Variants in ACOT13 observed in about 807,000 individuals in gnomAD.
ACOT13 encodes acyl-CoA thioesterase 13.
In ACOT13, 10 loss-of-function variants were observed where a neutral mutation model predicts 11.8. That is an observed-to-expected ratio of 0.85 (90% CI 0.53 to 1.44). ACOT13 has a LOEUF of 1.44. Among genes scored for constraint, ACOT13 ranks in the 40% most tolerant of loss-of-function variants. The pLI is 0.00. For synonymous variants in ACOT13, 53 were observed against 61.0 expected, an observed-to-expected ratio of 0.87 and a Z score of 0.61; for missense variants, 172 against 174.1, an observed-to-expected ratio of 0.99 and a Z score of 0.07.
chr6:24,672,814 T>C (rs1044294669), intron 1 of ACOT13, among the ~76,000 whole-genome samples: 6 of 152,210 alleles, frequency 3.9e-5, no homozygotes, highest in African/African-American at 1.4e-4. Flanking sequence ...ACTGAACTTA[T>C]TTTATCTTTC....
rs1778628797 is a variant in ACOT13, at chr6:24,686,246, T to A, written c.82-11637T>A. ...AGAGGTACTGTTTAGAAAAGGAGTTTCATGAGTAAGTTCAGGAAACACTGA... is the reference window on the plus strand; with the variant it reads ...AGAGGTACTGTTTAGAAAAGGAGTTACATGAGTAAGTTCAGGAAACACTGA... On this transcript the variant is annotated intron_variant, in intron 1 of 2. Coordinates refer to ENST00000230048, the MANE Select transcript of ACOT13 (RefSeq NM_018473.4). Among the ~76,000 whole-genome samples, 3 of 152,296 alleles carry A rather than the reference T, an allele frequency of 2.0e-5. No individual in the cohort carries two copies. In the South Asian group the frequency reaches 6.2e-4, roughly 32 times the overall value.
rs772678433 is a variant in ACOT13 at position 24,667,291 on chromosome 6, G to A, written c.28G>A (p.Glu10Lys). 2 of 1,614,232 alleles carry A rather than the reference G, an allele frequency of 1.2e-6. No homozygotes were observed. Among genetic ancestry groups the A allele is most frequent in the South Asian group, 1.1e-5 (1 of 91,078 alleles). Residue 10 changes from glutamate (E) to lysine (K), a missense_variant, in exon 1 of 3, where the codon GAG becomes AAG. Coordinates refer to ENST00000230048, the MANE Select transcript of ACOT13 (RefSeq NM_018473.4). ...GACCAGCATGACTCAGTCTCTGCGG[G>A]AGGTGATAAAGGCCATGACCAAGGC... is the stretch of plus-strand genomic sequence containing the variant. Reference protein sequence around the residue: MTSMTQSLREVIKAMTKARN... With the variant: MTSMTQSLRKVIKAMTKARN...
rs201079019 is a variant in ACOT13 at position 24,675,919 on chromosome 6, A to G, written c.81+8575A>G. ...GTTTTGTGTAAGGTGTAAGGAAGGG[A>G]TCCAGTTTCAGCTTTCTACATATGG... On this transcript the variant is annotated intron_variant, in intron 1 of 2. Coordinates refer to ENST00000230048, the MANE Select transcript of ACOT13 (RefSeq NM_018473.4). 2.0e-5 allele frequency among the ~76,000 whole-genome samples: 3 copies of G among 152,198 alleles called. No individual in the cohort carries two copies. The South Asian group carries it at 6.2e-4, about 32-fold the overall frequency.
chr6:24,667,406 G>T, intron 1 of ACOT13, 62 bp downstream of exon 1: 3 of 1,484,698 alleles, frequency 2.0e-6, no homozygotes, highest in African/African-American at 2.8e-5. Flanking sequence ...CACCGTGCTT[G>T]GTGCCGTTGT....
At chr6:24,698,134 A>G in intron 2 of ACOT13, 67 bp downstream of exon 2, 1 of 1,332,400 alleles carries the variant, frequency 7.5e-7, no homozygotes, top group African/African-American at 1.5e-5. Context: ...GAGACTAAAC[A>G]CATTTATATT....
intron 1 of ACOT13, among the ~76,000 whole-genome samples, chr6:24,695,627 CTTCA>C (rs1427366500): frequency 9.8e-5 from 15 of 152,330 alleles, no homozygotes; most frequent in Non-Finnish European, 4.4e-5. Context: ...AGGGATTAAA[CTTCA>C]TTCATTTTTT....
chr6:24,679,230 T>C (rs568248773), intron 1 of ACOT13, among the ~76,000 whole-genome samples: 49 of 152,330 alleles, frequency 3.2e-4, no homozygotes, highest in Admixed American at 7.8e-4. Flanking sequence ...AGTGGCCTTT[T>C]TTTTTATCCC....
chr6:24,674,717 T>A (rs1323902856), intron 1 of ACOT13, among the ~76,000 whole-genome samples: 3 of 152,108 alleles, frequency 2.0e-5, no homozygotes, highest in Admixed American at 6.5e-5. Flanking sequence ...CACCCAGCCC[T>A]AGAGTTCAAC....
intron 1 of ACOT13, among the ~76,000 whole-genome samples, chr6:24,679,927 C>T (rs1469271183): frequency 6.6e-6 from 1 of 152,190 alleles, no homozygotes; most frequent in Non-Finnish European, 1.5e-5. Flanking sequence ...TGCACTCTGG[C>T]TGGGCCGAAT....
intron 1 of ACOT13, among the ~76,000 whole-genome samples, chr6:24,668,436 G>A (rs1470315407): frequency 6.6e-6 from 1 of 151,118 alleles, no homozygotes; most frequent in South Asian, 2.1e-4. Context: ...GGTCAGGCTG[G>A]TCTCAAACTG....
chr6:24,700,425 C>CTTTTT (rs34173572), intron 2 of ACOT13, among the ~76,000 whole-genome samples: 9 of 105,148 alleles, frequency 8.6e-5, no homozygotes, highest in African/African-American at 2.8e-4. Flanking sequence ...TAAGATCCAC[C>CTTTTT]TTTTTTTTTT....
intron 1 of ACOT13, among the ~76,000 whole-genome samples, chr6:24,690,526 T>G (rs1351832561): frequency 6.6e-6 from 1 of 152,158 alleles, no homozygotes. Context: ...GGAAGAAAAA[T>G]ATAGTGATTT....
intron 1 of ACOT13, among the ~76,000 whole-genome samples, chr6:24,689,392 CT>C (rs11325796): frequency 0.063 from 9,567 of 152,032 alleles, 569 homozygotes; most frequent in African/African-American, 0.16. Flanking sequence ...GTGCCTTCTC[CT>C]TTTGGGTCAC....
chr6:24,678,372 T>A (rs976899974), intron 1 of ACOT13, among the ~76,000 whole-genome samples: 18 of 152,152 alleles, frequency 1.2e-4, no homozygotes, highest in Non-Finnish European at 1.0e-4. Context: ...TGCACTAACC[T>A]CCACTGTCCA....
chr6:24,669,886 G>A (rs998695006), intron 1 of ACOT13, among the ~76,000 whole-genome samples: 1 of 152,116 alleles, frequency 6.6e-6, no homozygotes, highest in Admixed American at 6.5e-5. Context: ...AGTTTAAGTT[G>A]TCTAGCTTCA....
intron 1 of ACOT13, among the ~76,000 whole-genome samples, chr6:24,678,508 G>T (rs1747864253): frequency 6.6e-6 from 1 of 152,172 alleles, no homozygotes; most frequent in Non-Finnish European, 1.5e-5. Context: ...TAAGGGTACT[G>T]CCTTTGGTAG....
At position 24,671,681 on chromosome 6, in the gene ACOT13, C is replaced by T. The variant is rs1246724161; in HGVS notation, c.81+4337C>T. Among the ~76,000 whole-genome samples, 4 of 151,838 alleles carry T rather than the reference C, an allele frequency of 2.6e-5. No homozygotes were observed. The East Asian group carries it at 5.8e-4, about 22-fold the overall frequency. ...AATGAATCTCAAAAAACAACAACAG[C>T]AACAACAAAAAAAAACACTTTCTAA... On this transcript the variant is annotated intron_variant, in intron 1 of 2. Coordinates refer to ENST00000230048, the MANE Select transcript of ACOT13 (RefSeq NM_018473.4).
intron 1 of ACOT13, among the ~76,000 whole-genome samples, chr6:24,695,697 T>G (rs557616441): frequency 6.0e-4 from 92 of 152,358 alleles, no homozygotes; most frequent in African/African-American, 2.1e-3. Context: ...AGGTTAAGTT[T>G]ACACCTTATT....
At position 24,689,217 on chromosome 6, in the gene ACOT13, AGTCT is replaced by A. The variant is rs573478826; in HGVS notation, c.82-8662_82-8659del. Among the ~76,000 whole-genome samples the A allele has an allele frequency of 9.1e-4, 139 of 152,274 alleles. No individual in the cohort carries two copies. The Middle Eastern group carries it at 0.01, about 11-fold the overall frequency. Reference sequence around the variant, plus strand: ...TAATACCCAGCTATCTAATTTTGTCAGTCTGTCATATACAAATAAAGCATCTTTG... The same window carrying A: ...TAATACCCAGCTATCTAATTTTGTCAGTCATATACAAATAAAGCATCTTTG... On this transcript the variant is annotated intron_variant, in intron 1 of 2. Coordinates refer to ENST00000230048, the MANE Select transcript of ACOT13 (RefSeq NM_018473.4).
Sources: gnomAD v4.1 joint callset for allele counts (sites outside exome capture counted in the v4.1 genomes callset) on GRCh38, gnomAD v4.1.1 for gene constraint, MANE v1.5 for transcripts, NCBI Gene and HGNC (gene_info 2026-07-23, HGNC 2026-07-21) for gene names.